The following NGEF variants were observed in gnomAD, a reference collection of about 807,000 sequenced individuals.
NGEF encodes the protein ephexin-1.
NGEF carries 31 observed loss-of-function variants against 80.9 expected under a neutral mutation model. The observed-to-expected ratio is 0.38, with a 90% confidence interval of 0.29 to 0.52. The LOEUF (loss-of-function observed/expected upper bound fraction) is 0.52. NGEF is among the 20% of genes least tolerant of loss of function. The probability of loss-of-function intolerance (pLI) is 0.84; values close to 1 mark genes in which losing one functional copy is unlikely to be tolerated. For synonymous variants in NGEF, 371 were observed against 370.2 expected, an observed-to-expected ratio of 1.00 and a Z score of -0.03; for missense variants, 709 against 926.2, an observed-to-expected ratio of 0.77 and a Z score of 3.04.
intron 5 of NGEF, among the ~76,000 whole-genome samples, chr2:232,906,912 T>A (rs1692573132): frequency 6.6e-6 from 1 of 151,486 alleles, no homozygotes; most frequent in South Asian, 2.1e-4. Context: ...AAACATGTGC[T>A]GTGTCCACTC....
chr2:232,927,661 T>C (rs984825262), intron 3 of NGEF, among the ~76,000 whole-genome samples: 3 of 151,828 alleles, frequency 2.0e-5, no homozygotes, highest in African/African-American at 4.8e-5. Flanking sequence ...ACGAGGGCGC[T>C]GGAGGAGACT....
chr2:232,887,394 G>C (rs1416075353), intron 9 of NGEF, among the ~76,000 whole-genome samples: 1 of 152,226 alleles, frequency 6.6e-6, no homozygotes, highest in Admixed American at 6.5e-5. Context: ...AGATGGTCTG[G>C]AGAGATGGTC....
chr2:232,929,197 C>T (rs1016007434), intron 3 of NGEF, among the ~76,000 whole-genome samples: 3 of 152,242 alleles, frequency 2.0e-5, no homozygotes, highest in Non-Finnish European at 4.4e-5. Flanking sequence ...GTCCCCCGCA[C>T]GCTCCAACCC....
At chr2:232,979,886 G>A (rs1160579255) in intron 1 of NGEF, among the ~76,000 whole-genome samples, 1 of 151,614 alleles carries the variant, frequency 6.6e-6, no homozygotes, top group African/African-American at 2.4e-5. Context: ...TAGATGAACG[G>A]ATGAGTTACC....
At chr2:232,977,146 G>C (rs925081593) in intron 1 of NGEF, among the ~76,000 whole-genome samples, 3 of 152,172 alleles carry the variant, frequency 2.0e-5, no homozygotes, top group Admixed American at 2.0e-4. Context: ...AACCGTTCTT[G>C]AGCCAGCAAG....
chr2:232,939,525 A>G (rs1693398272), intron 3 of NGEF, among the ~76,000 whole-genome samples: 1 of 152,244 alleles, frequency 6.6e-6, no homozygotes, highest in African/African-American at 2.4e-5. Context: ...GTATTTAATA[A>G]TAAGAAATTG....
intron 5 of NGEF, chr2:232,901,239 G>T: frequency 2.5e-6 from 1 of 393,916 alleles, no homozygotes; most frequent in Non-Finnish European, 3.5e-6. Flanking sequence ...ATGCTGCCTG[G>T]CCGGCCGGGA....
chr2:232,906,406 C>T (rs1182719869), intron 5 of NGEF, among the ~76,000 whole-genome samples: 2 of 111,212 alleles, frequency 1.8e-5, no homozygotes, highest in East Asian at 5.6e-4. Context: ...GGGGGGTCAG[C>T]CCCCCGCCCG....
At chr2:232,923,015 A>C (rs988248985) in intron 4 of NGEF, among the ~76,000 whole-genome samples, 3 of 152,108 alleles carry the variant, frequency 2.0e-5, no homozygotes, top group Admixed American at 6.6e-5. Flanking sequence ...GGTTGCAGTG[A>C]GCTGAGATCG....
chr2:232,888,794 G>GA (rs1390118710), intron 8 of NGEF, among the ~76,000 whole-genome samples: 1 of 152,224 alleles, frequency 6.6e-6, no homozygotes, highest in Non-Finnish European at 1.5e-5. Context: ...TCTTCTCCAT[G>GA]AAAGTGTAAG....
rs563167255 is a variant in NGEF at position 232,899,834 on chromosome 2, TCA to T, written c.829-4920_829-4919del. Among the ~76,000 whole-genome samples, 18 of 135,700 alleles carry T rather than the reference TCA, an allele frequency of 1.3e-4. No homozygotes were observed. In the South Asian group the frequency reaches 2.2e-3, roughly 16 times the overall value. The allele number at this position is 135,700 out of a possible 152,430, so 89.0% of individuals were successfully genotyped here. A position where few individuals can be genotyped will look rare whatever the true frequency, so the allele number is the denominator to read the frequency against. On this transcript the variant is annotated intron_variant, in intron 5 of 14. Transcript: ENST00000264051. The stretch of plus-strand genomic sequence containing the variant: ...CTCAGTCACTCATATACACGTTCAC[TCA>T]CATTCACTCACACACACACGCTCTC...
Position 232,883,335 on chromosome 2 carries a change from G to A in NGEF, c.1733C>T (p.Thr578Ile), listed in dbSNP as rs778547108. 1.2e-6 allele frequency: 2 copies of A among 1,610,236 alleles called. No homozygotes were observed. The highest frequency in any genetic ancestry group is 3.4e-5 in the Admixed American group (2 of 59,696). ...LLENADDREA[T>I]YMLKASSQSE... ...CTGAGAGGACGCCTTTAGCATGTAG[G>A]TGGCCTCCCGGTCATCTGCGTTCTC... Residue 578 changes from threonine (T) to isoleucine (I), a missense_variant, in exon 12 of 15, where the codon ACC (threonine) becomes ATC (isoleucine). Transcript: ENST00000264051.
intron 1 of NGEF, among the ~76,000 whole-genome samples, chr2:232,996,583 C>A (rs895251522): frequency 6.6e-6 from 1 of 152,204 alleles, no homozygotes; most frequent in African/African-American, 2.4e-5. Flanking sequence ...AATAGTGTAG[C>A]ATTTGCATAT....
At chr2:232,957,574 C>T (rs57128718) in intron 3 of NGEF, among the ~76,000 whole-genome samples, 29,472 of 152,224 alleles carry the variant, frequency 0.19, 3,033 homozygotes, top group East Asian at 0.34. Flanking sequence ...CTGCCCGCCT[C>T]GGTCTCCCAA....
intron 1 of NGEF, among the ~76,000 whole-genome samples, chr2:232,983,266 T>G (rs1574652950): frequency 1.3e-5 from 2 of 151,068 alleles, no homozygotes; most frequent in African/African-American, 4.9e-5. Flanking sequence ...GTTCTGTACC[T>G]GGGGGTGGGG....
intron 3 of NGEF, among the ~76,000 whole-genome samples, chr2:232,933,010 G>T (rs1332216296): frequency 1.3e-5 from 2 of 151,966 alleles, no homozygotes; most frequent in African/African-American, 4.8e-5. Context: ...TTGGGAGGCT[G>T]AGGCAGGAGA....
In NGEF at chr2:232,879,574, T is replaced by C; in HGVS notation, c.2048A>G (p.Glu683Gly). ...ATCCATCTTGTGGACACGGAAACAT[T>C]CCTTGAGGTTCTGGGACCGGATCTT... Reference protein sequence around the residue: ...NPKIRSQNLKECFRVHKMDDP... With the variant: ...NPKIRSQNLKGCFRVHKMDDP... The change falls in exon 15 of 15, where the codon GAA (glutamate) becomes GGA (glycine). Residue 683 changes from glutamate to glycine, a missense_variant. Glu to Gly is a moderately conservative substitution (Grantham distance 98). This residue lies in a region of NGEF where 426 missense variants were observed against 622.9 expected (regional missense o/e 0.68). Transcript: ENST00000264051. The C allele has an allele frequency of 6.2e-7, 1 of 1,613,948 alleles. No individual in the cohort carries two copies. The highest frequency in any genetic ancestry group is 8.5e-7 in the Non-Finnish European group (1 of 1,180,002).
chr2:232,901,178 G>C (rs1429927437), intron 5 of NGEF, among the ~76,000 whole-genome samples: 1 of 152,200 alleles, frequency 6.6e-6, no homozygotes, highest in African/African-American at 2.4e-5. Flanking sequence ...CCAATTCCCT[G>C]TTACTTAAGG....
In NGEF at chr2:232,977,342, C is replaced by T. The variant is rs180946860; in HGVS notation, c.-74-2378G>A. ...CTGGGGGCAGAATGAGACCCAGAGA[C>T]AATGATGGCCTTGAGCTCAGTGTAA... is the stretch of plus-strand genomic sequence containing the variant. On this transcript the variant is annotated intron_variant, in intron 1 of 14. Transcript: ENST00000264051. Among the ~76,000 whole-genome samples, 368 of 152,240 alleles carry T rather than the reference C, an allele frequency of 2.4e-3. 1 individual carries two copies. Among genetic ancestry groups the T allele is most frequent in the African/African-American group, 8.3e-3 (346 of 41,548 alleles).
Sources: allele counts gnomAD v4.1 joint callset (sites outside exome capture counted in the v4.1 genomes callset), GRCh38; gene constraint gnomAD v4.1.1; regional missense constraint gnomAD v4.1.1; transcripts MANE v1.5; gene names NCBI Gene and HGNC (gene_info 2026-07-23, HGNC 2026-07-21).